VKORC1L1: variants seen among roughly 807,000 people sequenced by gnomAD.
VKORC1L1 encodes vitamin K epoxide reductase complex subunit 1L1, also known as vitamin K epoxide reductase complex subunit 1-like protein 1.
In VKORC1L1, 2 loss-of-function variants were observed where a neutral mutation model predicts 18.9. The observed-to-expected ratio is 0.11, with a 90% CI of 0.04 to 0.33. The LOEUF (loss-of-function observed/expected upper bound fraction) is 0.33, where lower values mean the gene tolerates loss of function less well. Among genes scored for constraint, VKORC1L1 ranks in the 10% least tolerant of loss-of-function variants. The pLI, the probability that VKORC1L1 is intolerant of heterozygous loss-of-function variation, is 1.00. For synonymous variants in VKORC1L1, 96 were observed against 100.0 expected (o/e 0.96, Z 0.24); for missense variants, 123 against 224.1 (o/e 0.55, Z 2.88).
chr7:65,912,245 A>G (rs904646878), intron 1 of VKORC1L1, among the ~76,000 whole-genome samples: 6 of 152,268 alleles, frequency 3.9e-5, no homozygotes, highest in Non-Finnish European at 5.9e-5. Flanking sequence ...CAGAACATTT[A>G]AAGTAGGCAT....
chr7:65,898,276 G>A (rs879407642), intron 1 of VKORC1L1, among the ~76,000 whole-genome samples: 14 of 151,588 alleles, frequency 9.2e-5, no homozygotes, highest in Admixed American at 4.0e-4. Flanking sequence ...TAGTAGAGAC[G>A]GGGTTTCACC....
rs1003020387 is a variant in VKORC1L1 at position 65,953,182 on chromosome 7, C to T, written c.305-892C>T. On this transcript the variant is annotated intron_variant, in intron 2 of 2. Transcript: ENST00000360768. The stretch of plus-strand genomic sequence containing the variant: ...TCAGGTTTGACCCACATGCAGCCAA[C>T]GGGCAAAATGTGGTTTCCCTTATCC... Among the ~76,000 whole-genome samples the T allele has an allele frequency of 9.2e-5, 14 of 152,266 alleles. No individual in the cohort carries two copies. The East Asian group carries it at 1.4e-3, about 15-fold the overall frequency.
chr7:65,904,970 T>C (rs569122559), intron 1 of VKORC1L1, among the ~76,000 whole-genome samples: 48 of 152,212 alleles, frequency 3.2e-4, no homozygotes, highest in Non-Finnish European at 5.9e-4. Flanking sequence ...ATACATATTA[T>C]GTATATATAC....
At position 65,957,267 on chromosome 7, in the gene VKORC1L1, G is replaced by C. The variant is rs1338748104; in HGVS notation, c.*2967G>C. The C allele has an allele frequency of 6.6e-6, 1 of 151,978 alleles. No homozygotes were observed. The highest frequency in any genetic ancestry group is 1.5e-5 in the Non-Finnish European group (1 of 68,042). The allele number at this position is 151,978 out of a possible 1,614,324, so 9.4% of individuals were successfully genotyped here. A position where few individuals can be genotyped will look rare whatever the true frequency, so the allele number is the denominator to read the frequency against. ...AGGCCGAGGCGGGTGGATTACCTAA[G>C]GTCAGGAGTTCAAGACCAGCCTGGC... On this transcript the variant is annotated 3_prime_UTR_variant, in exon 3 of 3. Coordinates refer to ENST00000360768, the MANE Select transcript of VKORC1L1 (RefSeq NM_173517.6).
chr7:65,868,164 G>T (rs1323582584), upstream of VKORC1L1, among the ~76,000 whole-genome samples: 1 of 151,928 alleles, frequency 6.6e-6, no homozygotes, highest in Non-Finnish European at 1.5e-5. Context: ...TTAGTAAAAA[G>T]TCAGAAAACA....
chr7:65,866,652 G>A, the VKORC1L1 span, among the ~76,000 whole-genome samples: 1 of 152,164 alleles, frequency 6.6e-6, no homozygotes, highest in Non-Finnish European at 1.5e-5. Flanking sequence ...CTTCATACTT[G>A]TAATCCCAAC....
Position 65,955,242 on chromosome 7 carries a change from T to G in VKORC1L1, c.*942T>G, listed in dbSNP as rs986605094. The G allele has an allele frequency of 2.0e-5, 3 of 152,184 alleles. No individual in the cohort carries two copies. The highest frequency in any genetic ancestry group is 4.4e-5 in the Non-Finnish European group (3 of 68,040). The allele number at this position is 152,184 out of a possible 1,614,324, so 9.4% of individuals were successfully genotyped here. On this transcript the variant is annotated 3_prime_UTR_variant, in exon 3 of 3. Coordinates refer to ENST00000360768, the MANE Select transcript of VKORC1L1 (RefSeq NM_173517.6). ...CACTAGTTGAATTTTCATGCAGATA[T>G]TTTTCCTTAACGTTGGTGCCAGTCA...
At chr7:65,937,533 A>G (rs1476734996) in intron 1 of VKORC1L1, among the ~76,000 whole-genome samples, 1 of 152,152 alleles carries the variant, frequency 6.6e-6, no homozygotes, top group Admixed American at 6.5e-5. Flanking sequence ...AGCTAGGACT[A>G]CAGGTGTGTG....
chr7:65,914,900 G>A (rs1023085228), intron 1 of VKORC1L1, among the ~76,000 whole-genome samples: 1 of 152,168 alleles, frequency 6.6e-6, no homozygotes, highest in South Asian at 2.1e-4. Flanking sequence ...CAGGTACATG[G>A]GAAGCTGAGG....
At chr7:65,937,784 A>G (rs1789968003) in intron 1 of VKORC1L1, among the ~76,000 whole-genome samples, 1 of 152,320 alleles carries the variant, frequency 6.6e-6, no homozygotes, top group South Asian at 2.1e-4. Flanking sequence ...CATTTGAGAA[A>G]AGTCTCTAGT....
intron 1 of VKORC1L1, among the ~76,000 whole-genome samples, chr7:65,895,468 AAAAAAAAAAAAAATAT>A (rs1178683887): frequency 1.7e-4 from 9 of 52,752 alleles, no homozygotes; most frequent in Non-Finnish European, 3.0e-4. Flanking sequence ...AAAAAAAAAA[AAAAAAAAAAAAAATAT>A]ATATATATAT....
intron 1 of VKORC1L1, among the ~76,000 whole-genome samples, chr7:65,909,757 G>A (rs1265540730): frequency 3.7e-5 from 5 of 135,892 alleles, no homozygotes; most frequent in Admixed American, 7.9e-5. Context: ...TTGCTCTGTC[G>A]CCCAGGCTGG....
intron 1 of VKORC1L1, among the ~76,000 whole-genome samples, chr7:65,879,370 A>G (rs545154975): frequency 1.3e-5 from 2 of 152,356 alleles, no homozygotes; most frequent in East Asian, 3.9e-4. Flanking sequence ...CAAGAGGAAT[A>G]GAGAAATATC....
At chr7:65,912,249 T>C (rs1190059084) in intron 1 of VKORC1L1, among the ~76,000 whole-genome samples, 1 of 152,244 alleles carries the variant, frequency 6.6e-6, no homozygotes, top group African/African-American at 2.4e-5. Flanking sequence ...ACATTTAAAG[T>C]AGGCATGAGC....
At chr7:65,897,630 A>G (rs1177762571) in intron 1 of VKORC1L1, among the ~76,000 whole-genome samples, 1 of 152,148 alleles carries the variant, frequency 6.6e-6, no homozygotes, top group Admixed American at 6.5e-5. Context: ...GTTAGAAGTC[A>G]GGGTAGTATT....
intron 1 of VKORC1L1, among the ~76,000 whole-genome samples, chr7:65,895,881 T>C (rs1789200979): frequency 6.6e-6 from 1 of 150,428 alleles, no homozygotes; most frequent in Non-Finnish European, 1.5e-5. Flanking sequence ...AGAACTATCT[T>C]GCTATCTCAC....
At position 65,954,366 on chromosome 7, in the gene VKORC1L1, T is replaced by TTTA. The variant is rs35431841; in HGVS notation, c.*90_*92dup. The stretch of plus-strand genomic sequence containing the variant: ...CATTCAGTTTATTTTGCAGCAGGTT[T>TTTA]TTATTATTATTATTATTATTATTAT... On this transcript the variant is annotated 3_prime_UTR_variant, in exon 3 of 3. Coordinates refer to ENST00000360768, the MANE Select transcript of VKORC1L1 (RefSeq NM_173517.6). 0.14 allele frequency: 209,376 copies of TTTA among 1,472,544 alleles called. 9,512 individuals are homozygous for TTTA. The highest frequency in any genetic ancestry group is 0.31 in the East Asian group (11,808 of 38,346). 91.2% of individuals were successfully genotyped at this position (1,472,544 alleles called of 1,614,324 possible).
intron 1 of VKORC1L1, among the ~76,000 whole-genome samples, chr7:65,932,651 G>C (rs917614398): frequency 5.9e-5 from 9 of 152,182 alleles, no homozygotes; most frequent in Non-Finnish European, 7.3e-5. Flanking sequence ...ATGAGTTCTA[G>C]TTTAATTCTA....
chr7:65,906,384 A>G (rs1789407019), intron 1 of VKORC1L1, among the ~76,000 whole-genome samples: 1 of 152,150 alleles, frequency 6.6e-6, no homozygotes. Context: ...AAGAAAAAAA[A>G]AAGGAGTATG....
Sources: allele counts gnomAD v4.1 joint callset (sites outside exome capture counted in the v4.1 genomes callset), GRCh38; gene constraint gnomAD v4.1.1; transcripts MANE v1.5; gene names NCBI Gene and HGNC (gene_info 2026-07-23, HGNC 2026-07-21).